The following NBEAL1 variants were observed in gnomAD, a reference collection of about 807,000 sequenced individuals.
NBEAL1 encodes the protein neurobeachin like 1.
Under a neutral mutation model 351.3 loss-of-function variants are expected in NBEAL1, and 273 were observed. That is an observed-to-expected ratio of 0.78 (90% CI 0.70 to 0.86). The LOEUF is 0.86. Among genes scored for constraint, NBEAL1 ranks in the 40% least tolerant of loss-of-function variants. The pLI is 0.00. For missense variants in NBEAL1, 2,961 were observed against 3,201.3 expected (o/e 0.92, Z 1.81); for synonymous variants, 1,050 against 1,086.4 (o/e 0.97, Z 0.66).
chr2:203,039,066 G>A lies in NBEAL1; in HGVS notation c.52-2699G>A, dbSNP rs909698971. ...ATCTTTTTTTTCTTTTTCAGTTTAT[G>A]ATTTTTTTGTCCTAGCTAAGAAACC... On this transcript the variant is annotated intron_variant, in intron 2 of 55. Coordinates refer to ENST00000683969, the MANE Select transcript of NBEAL1 (RefSeq NM_001378026.1). 4.7e-5 allele frequency among the ~76,000 whole-genome samples: 7 copies of A among 148,112 alleles called. No individual in the cohort carries two copies. The South Asian group carries it at 1.5e-3, about 31-fold the overall frequency.
intron 4 of NBEAL1, among the ~76,000 whole-genome samples, chr2:203,056,057 A>G (rs565549740): frequency 1.3e-5 from 2 of 152,354 alleles, no homozygotes; most frequent in South Asian, 4.1e-4. Context: ...AAGAATCTGC[A>G]TAGGGACAAA....
chr2:203,211,989 C>T (rs1176254388), intron 54 of NBEAL1, among the ~76,000 whole-genome samples: 2 of 151,964 alleles, frequency 1.3e-5, no homozygotes, highest in African/African-American at 2.4e-5. Flanking sequence ...CAGGTTCAAG[C>T]GATTCTCCTG....
chr2:203,156,445 A>G (rs948170789), intron 35 of NBEAL1, among the ~76,000 whole-genome samples: 2 of 152,208 alleles, frequency 1.3e-5, no homozygotes, highest in African/African-American at 4.8e-5. Flanking sequence ...CCATACATCT[A>G]TATAAAGTCA....
At chr2:203,095,516 C>T (rs537585361) in intron 10 of NBEAL1, among the ~76,000 whole-genome samples, 9 of 152,106 alleles carry the variant, frequency 5.9e-5, no homozygotes, top group Non-Finnish European at 1.0e-4. Context: ...GTCTCGAACT[C>T]CTGACCTCAG....
At chr2:203,052,121 A>G (rs894269756) in intron 4 of NBEAL1, among the ~76,000 whole-genome samples, 30 of 152,158 alleles carry the variant, frequency 2.0e-4, no homozygotes, top group African/African-American at 7.2e-4. Context: ...TAAATTTGAC[A>G]TAATCATCAT....
chr2:203,124,632 G>T (rs2062899545), intron 19 of NBEAL1, among the ~76,000 whole-genome samples: 1 of 152,068 alleles, frequency 6.6e-6, no homozygotes, highest in South Asian at 2.1e-4. Context: ...ATGTGAAGAG[G>T]TTGTTTGAAG....
At position 203,218,651 on chromosome 2, in the gene NBEAL1, A is replaced by G. The variant is rs1374914760; in HGVS notation, c.*1297A>G. 1 of 152,268 alleles carries G rather than the reference A, an allele frequency of 6.6e-6. No homozygotes were observed. The highest frequency in any genetic ancestry group is 1.9e-4 in the East Asian group (1 of 5,192). The allele number at this position is 152,268 out of a possible 1,614,324, so 9.4% of individuals were successfully genotyped here. A position where few individuals can be genotyped will look rare whatever the true frequency, so the allele number is the denominator to read the frequency against. On this transcript the variant is annotated 3_prime_UTR_variant, in exon 56 of 56. Transcript: ENST00000683969. ...CAAATCATAGATGTCCTTAAATCCA[A>G]TTGTCTTCTCAGTTGAATCTTAGAG...
chr2:203,182,343 G>A (rs577840886), intron 43 of NBEAL1: 7 of 152,234 alleles, frequency 4.6e-5, no homozygotes, highest in South Asian at 2.1e-4. Flanking sequence ...CAACAGTATC[G>A]CAGAAATAAG....
intron 35 of NBEAL1, among the ~76,000 whole-genome samples, chr2:203,156,137 C>T (rs2063792274): frequency 6.6e-6 from 1 of 152,156 alleles, no homozygotes; most frequent in Non-Finnish European, 1.5e-5. Flanking sequence ...TCAATATCTC[C>T]ATATATTAGT....
At chr2:203,198,902 A>G (rs2105804236) in intron 48 of NBEAL1, among the ~76,000 whole-genome samples, 1 of 152,182 alleles carries the variant, frequency 6.6e-6, no homozygotes, top group East Asian at 1.9e-4. Context: ...AATAAGATAA[A>G]CAAGGCCAGG....
rs1356546369 is a variant in NBEAL1, at chr2:203,222,565, A to G, written c.*5211A>G. 6.6e-6 allele frequency among the ~76,000 whole-genome samples: 1 copy of G among 152,148 alleles called. No individual in the cohort carries two copies. Among genetic ancestry groups the G allele is most frequent in the Non-Finnish European group, 1.5e-5 (1 of 67,996 alleles). On this transcript the variant is annotated 3_prime_UTR_variant, in exon 56 of 56. Transcript: ENST00000683969. Reference sequence around the variant, plus strand: ...AACAAAATCTCCTTTCAATTGAGTTATTTTTATCATGAACTCTCTTTAGAC... The same window carrying G: ...AACAAAATCTCCTTTCAATTGAGTTGTTTTTATCATGAACTCTCTTTAGAC...
intron 3 of NBEAL1, 71 bp downstream of exon 3, chr2:203,041,927 C>T: frequency 2.0e-6 from 2 of 993,754 alleles, no homozygotes; most frequent in Non-Finnish European, 3.1e-6. Flanking sequence ...TCATTGATGA[C>T]ATATTACAAG....
At chr2:203,039,312 C>T (rs1475242111) in intron 2 of NBEAL1, among the ~76,000 whole-genome samples, 36 of 42,076 alleles carry the variant, frequency 8.6e-4, no homozygotes, top group Non-Finnish European at 1.4e-3. Context: ...GCCCTCCCCT[C>T]CCCCCCTCCC....
intron 53 of NBEAL1, among the ~76,000 whole-genome samples, chr2:203,210,457 C>G (rs2065755010): frequency 6.6e-6 from 1 of 151,108 alleles, no homozygotes; most frequent in African/African-American, 2.4e-5. Flanking sequence ...GTCAGGAGAT[C>G]GAGACCATCC....
At chr2:203,033,552 T>C (rs1456038187) in intron 2 of NBEAL1, among the ~76,000 whole-genome samples, 1 of 152,218 alleles carries the variant, frequency 6.6e-6, no homozygotes, top group Non-Finnish European at 1.5e-5. Flanking sequence ...ATCTTTCTAG[T>C]AGTAATGGTG....
rs184922076 is a variant in NBEAL1 at position 203,214,636 on chromosome 2, G to A, written c.8070+983G>A. Among the ~76,000 whole-genome samples, 22 of 152,212 alleles carry A rather than the reference G, an allele frequency of 1.4e-4. No homozygotes were observed. The East Asian group carries it at 3.7e-3, about 25-fold the overall frequency. On this transcript the variant is annotated intron_variant, in intron 55 of 55. Coordinates refer to ENST00000683969, the MANE Select transcript of NBEAL1 (RefSeq NM_001378026.1). ...CTAAAAATACAAAAATTAGCCGGGTGTGGTGGCATATGCCAGTAATCCCAG... is the reference window on the plus strand; with the variant it reads ...CTAAAAATACAAAAATTAGCCGGGTATGGTGGCATATGCCAGTAATCCCAG...
At chr2:203,181,220 C>T (rs1390405059) in intron 43 of NBEAL1, 1 of 151,882 alleles carries the variant, frequency 6.6e-6, no homozygotes, top group Non-Finnish European at 1.5e-5. Flanking sequence ...GTGGGAGTCA[C>T]CATGCCCGGC....
chr2:203,084,418 C>T, intron 9 of NBEAL1, 45 bp from the exon 10 acceptor site: 1 of 1,061,908 alleles, frequency 9.4e-7, no homozygotes, highest in Non-Finnish European at 1.3e-6. Context: ...TGTATGATCC[C>T]AAATTTTCAT....
At chr2:203,080,966 G>A (rs901493403) in intron 8 of NBEAL1, among the ~76,000 whole-genome samples, 3 of 152,148 alleles carry the variant, frequency 2.0e-5, no homozygotes, top group Non-Finnish European at 4.4e-5. Flanking sequence ...GTTCTTGTTA[G>A]TGCCTAGGGG....
Sources: allele counts gnomAD v4.1 joint callset (sites outside exome capture counted in the v4.1 genomes callset), GRCh38; gene constraint gnomAD v4.1.1; transcripts MANE v1.5; gene names NCBI Gene and HGNC (gene_info 2026-07-23, HGNC 2026-07-21).